TMEM131L: variants seen among roughly 807,000 people sequenced by gnomAD.
The protein encoded by TMEM131L is transmembrane protein 131-like.
A neutral mutation model predicts 192.2 loss-of-function variants in TMEM131L; 54 were observed. The observed-to-expected ratio is 0.28, with a 90% confidence interval of 0.23 to 0.35. The LOEUF is 0.35. TMEM131L is among the 10% of genes least tolerant of loss of function. The probability of loss-of-function intolerance (pLI) is 1.00; values close to 1 mark genes in which losing one functional copy is unlikely to be tolerated. For synonymous variants in TMEM131L, 701 were observed against 704.9 expected (o/e 0.99, Z 0.09); for missense variants, 1,888 against 1,972.9 (o/e 0.96, Z 0.82).
intron 7 of TMEM131L, among the ~76,000 whole-genome samples, chr4:153,579,717 A>G (rs1255885326): frequency 1.3e-5 from 2 of 152,070 alleles, no homozygotes; most frequent in Non-Finnish European, 2.9e-5. Context: ...CCAGTGATCC[A>G]CTGCCTTGGC....
chr4:153,616,829 T>C (rs771756180), intron 26 of TMEM131L, among the ~76,000 whole-genome samples: 2 of 152,234 alleles, frequency 1.3e-5, no homozygotes, highest in Non-Finnish European at 2.9e-5. Context: ...TTTCAGTGGT[T>C]ACATAACATT....
At chr4:153,579,079 A>G (rs1168067608) in intron 7 of TMEM131L, among the ~76,000 whole-genome samples, 1 of 152,106 alleles carries the variant, frequency 6.6e-6, no homozygotes, top group East Asian at 1.9e-4. Context: ...CTAGTTCTTC[A>G]GGCTGGTGTA....
chr4:153,558,945 T>G (rs1002369058), intron 7 of TMEM131L, among the ~76,000 whole-genome samples: 3 of 152,244 alleles, frequency 2.0e-5, no homozygotes, highest in African/African-American at 7.2e-5. Context: ...GGTTGGCTAC[T>G]TTTTCCCTTT....
chr4:153,551,219 A>C (rs1737594054), intron 4 of TMEM131L, among the ~76,000 whole-genome samples: 1 of 152,222 alleles, frequency 6.6e-6, no homozygotes, highest in Admixed American at 6.5e-5. Context: ...TTGTGAATGA[A>C]ATAACCATGG....
intron 3 of TMEM131L, among the ~76,000 whole-genome samples, chr4:153,514,874 G>A (rs569144788): frequency 3.3e-5 from 5 of 151,688 alleles, no homozygotes; most frequent in East Asian, 1.9e-4. Flanking sequence ...GTGTGGTGAC[G>A]CAATCGTGGC....
chr4:153,577,517 G>C (rs540165665), intron 7 of TMEM131L, among the ~76,000 whole-genome samples: 1 of 152,302 alleles, frequency 6.6e-6, no homozygotes, highest in South Asian at 2.1e-4. Flanking sequence ...TGCTATCATA[G>C]CACGAAGGCA....
chr4:153,619,819 T>C lies in TMEM131L; in HGVS notation c.3568-937T>C, dbSNP rs554811282. 8.1e-4 allele frequency among the ~76,000 whole-genome samples: 124 copies of C among 152,244 alleles called. 1 individual carries two copies. Among genetic ancestry groups the C allele is most frequent in the Non-Finnish European group, 1.4e-3 (92 of 68,042 alleles). On this transcript the variant is annotated intron_variant, in intron 26 of 34. Transcript: ENST00000409959. ...AAAATGAGCCAATCTTTGCTTTCCA[T>C]GAAGTGTGAATCCTTCAGTCAGTAG... is the stretch of plus-strand genomic sequence containing the variant.
chr4:153,603,043 T>C (rs1731957587), intron 23 of TMEM131L, among the ~76,000 whole-genome samples: 1 of 152,208 alleles, frequency 6.6e-6, no homozygotes. Flanking sequence ...GATTTGAGAT[T>C]AGGAGGCTGG....
intron 3 of TMEM131L, among the ~76,000 whole-genome samples, chr4:153,514,765 A>C (rs946674841): frequency 6.6e-6 from 1 of 152,186 alleles, no homozygotes; most frequent in African/African-American, 2.4e-5. Flanking sequence ...TTGAGATAGA[A>C]TTTACACTTC....
At chr4:153,549,919 T>C (rs1164168683) in intron 3 of TMEM131L, among the ~76,000 whole-genome samples, 154 bp from the exon 4 acceptor site, 2 of 152,258 alleles carry the variant, frequency 1.3e-5, no homozygotes, top group African/African-American at 2.4e-5. Flanking sequence ...TCTAGAATTA[T>C]ACCAGACTTC....
At chr4:153,592,816 C>T (rs1731168770) in intron 18 of TMEM131L, among the ~76,000 whole-genome samples, 1 of 152,196 alleles carries the variant, frequency 6.6e-6, no homozygotes, top group Admixed American at 6.5e-5. Flanking sequence ...AGTCCACTAA[C>T]CAACAGATCC....
At chr4:153,531,585 G>C (rs976869805) in intron 3 of TMEM131L, among the ~76,000 whole-genome samples, 6 of 152,144 alleles carry the variant, frequency 3.9e-5, no homozygotes, top group African/African-American at 1.4e-4. Flanking sequence ...AAATTCATGT[G>C]ACTACCTTAT....
At chr4:153,518,716 G>T (rs1734905966) in intron 3 of TMEM131L, among the ~76,000 whole-genome samples, 1 of 152,172 alleles carries the variant, frequency 6.6e-6, no homozygotes, top group African/African-American at 2.4e-5. Flanking sequence ...TCTCGTATAT[G>T]TTGGTACGAG....
intron 3 of TMEM131L, among the ~76,000 whole-genome samples, chr4:153,508,278 T>C (rs1214102579): frequency 6.6e-6 from 1 of 152,226 alleles, no homozygotes; most frequent in Non-Finnish European, 1.5e-5. Flanking sequence ...ACTGCATGCG[T>C]ATAATATTTT....
intron 9 of TMEM131L, among the ~76,000 whole-genome samples, chr4:153,582,174 A>G (rs1730380483): frequency 6.6e-6 from 1 of 152,122 alleles, no homozygotes; most frequent in Non-Finnish European, 1.5e-5. Flanking sequence ...ATGTGACTGT[A>G]TATTTGTATT....
chr4:153,593,880 T>A lies in TMEM131L; in HGVS notation c.1995+9T>A. The A allele has an allele frequency of 6.3e-7, 1 of 1,594,130 alleles. No individual in the cohort carries two copies. The highest frequency in any genetic ancestry group is 8.6e-7 in the Non-Finnish European group (1 of 1,161,814). On this transcript the variant is annotated intron_variant, in intron 19 of 34. Transcript: ENST00000409959. ...AAGCTTGCCCTTACCTGGTAGGATGTTATCCTAAAACAGAAAAAAGAATGC... is the reference window on the plus strand; with the variant it reads ...AAGCTTGCCCTTACCTGGTAGGATGATATCCTAAAACAGAAAAAAGAATGC...
intron 31 of TMEM131L, among the ~76,000 whole-genome samples, chr4:153,628,669 A>G (rs904967300): frequency 6.6e-6 from 1 of 152,188 alleles, no homozygotes; most frequent in African/African-American, 2.4e-5. Flanking sequence ...AAAATTAAAT[A>G]ATCCATAGTT....
Position 153,548,754 on chromosome 4 carries a change from A to G in TMEM131L, c.240-1319A>G, listed in dbSNP as rs1192279689. 3.3e-5 allele frequency among the ~76,000 whole-genome samples: 5 copies of G among 152,292 alleles called. No individual in the cohort carries two copies. The East Asian group carries it at 9.6e-4, about 29-fold the overall frequency. The stretch of plus-strand genomic sequence containing the variant: ...AGATTGCAACTAGATTCTTCCTGTG[A>G]GACAAGGACTTTGGAAGGGTTCTCG... On this transcript the variant is annotated intron_variant, in intron 3 of 34. Coordinates refer to ENST00000409959, the MANE Select transcript of TMEM131L (RefSeq NM_001131007.2).
chr4:153,619,661 A>G (rs1303255756), intron 26 of TMEM131L, among the ~76,000 whole-genome samples: 1 of 152,256 alleles, frequency 6.6e-6, no homozygotes, highest in Non-Finnish European at 1.5e-5. Flanking sequence ...AATATCTCAG[A>G]CATAGAACTT....
Sources: allele counts gnomAD v4.1 joint callset (sites outside exome capture counted in the v4.1 genomes callset), GRCh38; gene constraint gnomAD v4.1.1; transcripts MANE v1.5; gene names NCBI Gene and HGNC (gene_info 2026-07-23, HGNC 2026-07-21).